ST7: variants seen among roughly 807,000 people sequenced by gnomAD.
ST7 encodes suppressor of tumorigenicity 7 protein.
ST7 carries 28 observed loss-of-function variants against 78.7 expected under a neutral mutation model. The observed-to-expected ratio is 0.36, with a 90% CI of 0.26 to 0.49. The LOEUF (loss-of-function observed/expected upper bound fraction) is 0.49, where lower values mean the gene tolerates loss of function less well. Among genes scored for constraint, ST7 ranks in the 20% least tolerant of loss-of-function variants. The pLI is 0.99. For missense variants in ST7, 418 were observed against 696.0 expected (o/e 0.60, Z 4.49); for synonymous variants, 247 against 249.6 (o/e 0.99, Z 0.10).
intron 6 of ST7, 69 bp from the exon 7 acceptor site, chr7:117,134,055 A>G: frequency 1.3e-6 from 2 of 1,590,722 alleles, no homozygotes; most frequent in Non-Finnish European, 1.7e-6. Flanking sequence ...CTCCGAAATG[A>G]CATAGTGACT....
intron 1 of ST7, among the ~76,000 whole-genome samples, chr7:117,063,305 C>G (rs573770567): frequency 6.6e-6 from 1 of 151,942 alleles, no homozygotes; most frequent in South Asian, 2.1e-4. Flanking sequence ...TGCTTTAAGC[C>G]CAGGACAAAG....
At chr7:117,176,310 T>C (rs1018297859) in intron 10 of ST7, among the ~76,000 whole-genome samples, 4 of 152,336 alleles carry the variant, frequency 2.6e-5, no homozygotes, top group African/African-American at 9.6e-5. Context: ...TTTTTACTGA[T>C]GCCATCAAGC....
intron 1 of ST7, among the ~76,000 whole-genome samples, chr7:116,978,722 A>G (rs542731465): frequency 6.6e-6 from 1 of 152,210 alleles, no homozygotes; most frequent in South Asian, 2.1e-4. Context: ...AGTAGCTGGG[A>G]CTACAGGCAT....
chr7:117,179,224 T>C (rs749190046), intron 10 of ST7, among the ~76,000 whole-genome samples: 3 of 152,190 alleles, frequency 2.0e-5, no homozygotes, highest in Non-Finnish European at 4.4e-5. Context: ...AGGAGCTAAA[T>C]TGGATGTAAA....
chr7:117,141,260 G>A (rs1805270807), intron 9 of ST7, among the ~76,000 whole-genome samples: 1 of 152,110 alleles, frequency 6.6e-6, no homozygotes, highest in South Asian at 2.1e-4. Flanking sequence ...AGAAATGTCA[G>A]TTAGAATGCC....
chr7:117,204,509 C>T (rs1026801437), intron 12 of ST7, among the ~76,000 whole-genome samples: 2 of 152,226 alleles, frequency 1.3e-5, no homozygotes, highest in East Asian at 1.9e-4. Flanking sequence ...GCAAGGAATC[C>T]TGGTGATGTC....
At chr7:116,983,215 A>G (rs1794037626) in intron 1 of ST7, among the ~76,000 whole-genome samples, 1 of 152,144 alleles carries the variant, frequency 6.6e-6, no homozygotes. Context: ...TTGTTTTTAT[A>G]TCTAGTTCTT....
intron 12 of ST7, chr7:117,198,592 T>C (rs149390229): frequency 1.3e-3 from 336 of 263,954 alleles, no homozygotes; most frequent in African/African-American, 7.0e-3. Context: ...CTGTGTCTTA[T>C]ATTCTTGTTC....
intron 1 of ST7, among the ~76,000 whole-genome samples, chr7:117,039,429 C>T (rs1797088076): frequency 6.6e-6 from 1 of 152,082 alleles, no homozygotes; most frequent in Admixed American, 6.5e-5. Flanking sequence ...AAAAAATTAG[C>T]TGAGCATGGT....
chr7:117,020,745 CT>C, intron 1 of ST7: 1 of 1,441,574 alleles, frequency 6.9e-7, no homozygotes. Flanking sequence ...TGTATTTTGG[CT>C]CTAATTACAA....
Position 117,002,121 on chromosome 7 carries a change from G to A in ST7, c.151+48430G>A, listed in dbSNP as rs549697571. 1.3e-3 allele frequency among the ~76,000 whole-genome samples: 203 copies of A among 152,120 alleles called. 1 individual carries two copies. Among genetic ancestry groups the A allele is most frequent in the Middle Eastern group, 3.4e-3 (1 of 294 alleles). ...TGCATGCCTATAGTCCCAGCTACTC[G>A]GGAGGCTGAGGCAGGAGAATTGCTT... On this transcript the variant is annotated intron_variant, in intron 1 of 15. Coordinates refer to ENST00000323984, the MANE Select transcript of ST7 (RefSeq NM_001369598.1).
At chr7:117,123,797 G>A (rs1803601098) in intron 3 of ST7, among the ~76,000 whole-genome samples, 2 of 152,102 alleles carry the variant, frequency 1.3e-5, no homozygotes, top group Non-Finnish European at 2.9e-5. Context: ...ACAAAGGTTT[G>A]CAGTGTTTAC....
At chr7:116,973,323 T>A (rs1793529732) in intron 1 of ST7, among the ~76,000 whole-genome samples, 1 of 152,160 alleles carries the variant, frequency 6.6e-6, no homozygotes, top group African/African-American at 2.4e-5. Context: ...AGTGGCACAA[T>A]CATGGCTTTT....
chr7:117,013,886 A>C (rs1388505641), intron 1 of ST7, among the ~76,000 whole-genome samples: 2 of 152,346 alleles, frequency 1.3e-5, no homozygotes, highest in Admixed American at 1.3e-4. Context: ...AGATCTGTTA[A>C]GTGATAATAG....
chr7:117,000,455 A>G (rs1329064277), intron 1 of ST7, among the ~76,000 whole-genome samples: 1 of 152,196 alleles, frequency 6.6e-6, no homozygotes, highest in Non-Finnish European at 1.5e-5. Context: ...TAACTTTAAT[A>G]CCTTTATGAG....
At chr7:117,022,328 C>T (rs1046510089) in intron 1 of ST7, among the ~76,000 whole-genome samples, 1 of 152,166 alleles carries the variant, frequency 6.6e-6, no homozygotes, top group African/African-American at 2.4e-5. Context: ...TAGGTAGATT[C>T]GTACTGTCAG....
At chr7:116,984,145 C>G (rs73714362) in intron 1 of ST7, among the ~76,000 whole-genome samples, 4,773 of 120,944 alleles carry the variant, frequency 0.039, 237 homozygotes, top group African/African-American at 0.15. Flanking sequence ...GTGTGTGTGT[C>G]TATCTGTCTG....
intron 1 of ST7, among the ~76,000 whole-genome samples, chr7:117,055,523 G>A (rs759375275): frequency 6.6e-6 from 1 of 152,184 alleles, no homozygotes; most frequent in Non-Finnish European, 1.5e-5. Flanking sequence ...GATAAATTGA[G>A]TGAATAATCC....
In ST7 at chr7:117,092,294, AAAAAAAAAAAGAAGTTATGAATACCAGCC is replaced by A. The variant is rs1302004934; in HGVS notation, c.152-7457_152-7429del. Among the ~76,000 whole-genome samples the A allele has an allele frequency of 2.7e-4, 41 of 150,312 alleles. 1 individual carries two copies. In the East Asian group the frequency reaches 6.8e-3, roughly 25 times the overall value. On this transcript the variant is annotated intron_variant, in intron 1 of 15. Coordinates refer to ENST00000323984, the MANE Select transcript of ST7 (RefSeq NM_001369598.1). ...ACTCCGTCTCAAAAAAAAAAAAAAAAAAAAAAAAAAGAAGTTATGAATACCAGCCAAAAAAAAAAAAAAGAAGTTATGAA... is the reference window on the plus strand; with the variant it reads ...ACTCCGTCTCAAAAAAAAAAAAAAAAAAAAAAAAAAAAAAGAAGTTATGAA...
Sources: gnomAD v4.1 joint callset for allele counts (sites outside exome capture counted in the v4.1 genomes callset) on GRCh38, gnomAD v4.1.1 for gene constraint, MANE v1.5 for transcripts, NCBI Gene and HGNC (gene_info 2026-07-23, HGNC 2026-07-21) for gene names.